Variants in ELAPOR2 observed in about 807,000 individuals in gnomAD.
The protein encoded by ELAPOR2 is endosome-lysosome associated apoptosis and autophagy regulator family member 2, also known as endosome/lysosome-associated apoptosis and autophagy regulator family member 2.
A neutral mutation model predicts 120.7 loss-of-function variants in ELAPOR2; 89 were observed. The ratio of observed to expected loss-of-function variants is 0.74; its 90% CI spans 0.62 to 0.88. ELAPOR2 has a LOEUF of 0.88. Among genes scored for constraint, ELAPOR2 ranks in the 40% least tolerant of loss-of-function variants. The pLI is 0.00. For synonymous variants in ELAPOR2, 444 were observed against 444.9 expected (o/e 1.00, Z 0.03); for missense variants, 1,134 against 1,251.6 (o/e 0.91, Z 1.42).
chr7:86,896,808 G>A (rs1360558397), intron 19 of ELAPOR2, among the ~76,000 whole-genome samples: 1 of 152,020 alleles, frequency 6.6e-6, no homozygotes, highest in Non-Finnish European at 1.5e-5. Flanking sequence ...AAGTAATTTG[G>A]TAATATGTAT....
intron 8 of ELAPOR2, among the ~76,000 whole-genome samples, chr7:86,936,345 G>A (rs948627056): frequency 1.3e-5 from 2 of 151,968 alleles, no homozygotes; most frequent in Admixed American, 1.3e-4. Context: ...AGCCTCCTAA[G>A]TAGCTGAGAC....
At chr7:86,938,083 G>A in intron 8 of ELAPOR2, 43 bp downstream of exon 8, 1 of 1,415,810 alleles carries the variant, frequency 7.1e-7, no homozygotes, top group Non-Finnish European at 9.8e-7. Flanking sequence ...TGGAAAGAAG[G>A]TTGCAAAAAT....
chr7:86,925,451 G>T, intron 10 of ELAPOR2, 77 bp downstream of exon 10: 2 of 1,492,520 alleles, frequency 1.3e-6, no homozygotes, highest in Non-Finnish European at 1.9e-6. Flanking sequence ...TACTTGGTAT[G>T]TTTTAGAGAG....
intron 5 of ELAPOR2, 80 bp from the exon 6 acceptor site, chr7:86,940,195 A>G (rs1418546467): frequency 1.3e-6 from 1 of 752,100 alleles, no homozygotes; most frequent in East Asian, 2.7e-5. Context: ...TACTTTTTCA[A>G]TCCATATAAT....
intron 1 of ELAPOR2, among the ~76,000 whole-genome samples, chr7:87,030,809 G>A (rs1028311252): frequency 6.6e-6 from 1 of 152,056 alleles, no homozygotes; most frequent in African/African-American, 2.4e-5. Flanking sequence ...TTGTAGGTGG[G>A]GGTACTCTGT....
At chr7:86,925,495 G>GA in intron 10 of ELAPOR2, 33 bp downstream of exon 10, 1 of 1,606,576 alleles carries the variant, frequency 6.2e-7, no homozygotes, top group Non-Finnish European at 8.5e-7. Context: ...CTCTATTGCT[G>GA]AAATACATCA....
chr7:86,904,626 G>C (rs1788884550), intron 18 of ELAPOR2, among the ~76,000 whole-genome samples: 1 of 152,122 alleles, frequency 6.6e-6, no homozygotes. Context: ...TAGACAGCTT[G>C]GTGTTTCCAG....
intron 8 of ELAPOR2, among the ~76,000 whole-genome samples, chr7:86,937,562 A>G (rs1429658365): frequency 6.6e-6 from 1 of 152,120 alleles, no homozygotes. Flanking sequence ...TGCCATTTAT[A>G]TGGTACTTAC....
rs1381632566 is a variant in ELAPOR2 at position 86,986,236 on chromosome 7, C to T, written c.190-21212G>A. 9.2e-5 allele frequency among the ~76,000 whole-genome samples: 11 copies of T among 119,382 alleles called. 1 individual carries two copies. The highest frequency in any genetic ancestry group is 2.4e-4 in the Admixed American group (3 of 12,578). The allele number at this position is 119,382 out of a possible 152,430, so 78.3% of individuals were successfully genotyped here. A position where few individuals can be genotyped will look rare whatever the true frequency, so the allele number is the denominator to read the frequency against. On this transcript the variant is annotated intron_variant, in intron 1 of 21. Coordinates refer to ENST00000450689, the MANE Select transcript of ELAPOR2 (RefSeq NM_001142749.3). The stretch of plus-strand genomic sequence containing the variant: ...CGAGGTCAGGAGATCGAGACCATCC[C>T]GGCTAAAATGGTGAAACCCCGTCTC...
intron 1 of ELAPOR2, among the ~76,000 whole-genome samples, chr7:86,985,415 G>A (rs1276950955): frequency 1.3e-5 from 2 of 152,142 alleles, no homozygotes; most frequent in Non-Finnish European, 2.9e-5. Context: ...CAATATCCCT[G>A]ATAAACATTG....
At chr7:87,040,250 G>A (rs1479304843) in intron 1 of ELAPOR2, among the ~76,000 whole-genome samples, 1 of 152,360 alleles carries the variant, frequency 6.6e-6, no homozygotes, top group Non-Finnish European at 1.5e-5. Flanking sequence ...CGGAAAGCTC[G>A]AACTGGGTGG....
chr7:86,894,728 C>T (rs1214512236), intron 19 of ELAPOR2, among the ~76,000 whole-genome samples: 1 of 152,022 alleles, frequency 6.6e-6, no homozygotes, highest in Non-Finnish European at 1.5e-5. Flanking sequence ...GCTGACACTG[C>T]AGCTGAAAAA....
chr7:86,999,805 T>C (rs1452050698), intron 1 of ELAPOR2, among the ~76,000 whole-genome samples: 1 of 152,134 alleles, frequency 6.6e-6, no homozygotes, highest in Non-Finnish European at 1.5e-5. Flanking sequence ...TGGCTTGAAA[T>C]CATTTGATGG....
At chr7:87,023,426 C>G (rs971129696) in intron 1 of ELAPOR2, among the ~76,000 whole-genome samples, 16 of 152,202 alleles carry the variant, frequency 1.1e-4, no homozygotes, top group African/African-American at 3.6e-4. Context: ...TGGTCTATAT[C>G]TCTGTTTTGG....
chr7:87,044,707 C>G (rs1794892867), intron 1 of ELAPOR2, among the ~76,000 whole-genome samples: 2 of 151,922 alleles, frequency 1.3e-5, no homozygotes, highest in Non-Finnish European at 2.9e-5. Flanking sequence ...GCAAGGACTT[C>G]ATGTCTAAAA....
At chr7:86,990,760 AG>A (rs1440360281) in intron 1 of ELAPOR2, among the ~76,000 whole-genome samples, 2 of 152,210 alleles carry the variant, frequency 1.3e-5, no homozygotes, top group Admixed American at 6.5e-5. Flanking sequence ...GTGGGCCAAG[AG>A]CCTTATTTCA....
chr7:86,947,044 A>G (rs79202679), intron 3 of ELAPOR2, among the ~76,000 whole-genome samples: 1 of 152,288 alleles, frequency 6.6e-6, no homozygotes, highest in Non-Finnish European at 1.5e-5. Flanking sequence ...ATTCCCCAGC[A>G]TCCTTAGCTT....
intron 1 of ELAPOR2, among the ~76,000 whole-genome samples, chr7:87,006,948 GAC>G (rs1793502252): frequency 6.6e-6 from 1 of 152,128 alleles, no homozygotes; most frequent in Non-Finnish European, 1.5e-5. Flanking sequence ...AAAGAAGCCA[GAC>G]ACACACACAA....
chr7:86,902,834 G>A (rs143774365), intron 18 of ELAPOR2, among the ~76,000 whole-genome samples: 3,664 of 151,960 alleles, frequency 0.024, 52 homozygotes, highest in South Asian at 0.055. Flanking sequence ...TTTCCTTTTC[G>A]CCCAATAAAT....
Sources: allele counts gnomAD v4.1 joint callset (sites outside exome capture counted in the v4.1 genomes callset), GRCh38; gene constraint gnomAD v4.1.1; transcripts MANE v1.5; gene names NCBI Gene and HGNC (gene_info 2026-07-23, HGNC 2026-07-21).